The following AFF1 variants were observed in gnomAD, a reference collection of about 807,000 sequenced individuals.
The protein encoded by AFF1 is ALF transcription elongation factor 1, also known as AF4/FMR2 family member 1.
Under a neutral mutation model 121.7 loss-of-function variants are expected in AFF1, and 48 were observed. That is an observed-to-expected ratio of 0.39 (90% CI 0.31 to 0.50). AFF1 has a LOEUF of 0.50. AFF1 is among the 20% of genes least tolerant of loss of function. AFF1 has a pLI of 0.76. For missense variants in AFF1, 1,523 were observed against 1,511.7 expected (o/e 1.01, Z -0.12); for synonymous variants, 613 against 563.0 (o/e 1.09, Z -1.26).
intron 2 of AFF1, among the ~76,000 whole-genome samples, chr4:87,010,048 C>A (rs746502894): frequency 6.6e-5 from 10 of 152,180 alleles, no homozygotes; most frequent in Non-Finnish European, 1.3e-4. Flanking sequence ...ATTCCCATCC[C>A]TGTAGTTCAC....
intron 2 of AFF1, among the ~76,000 whole-genome samples, chr4:86,973,210 T>C (rs947809091): frequency 6.6e-6 from 1 of 152,130 alleles, no homozygotes. Context: ...GGCTGTGCTG[T>C]AGGGAGGTTC....
At chr4:87,076,323 TTA>T (rs1446292131) in intron 4 of AFF1, among the ~76,000 whole-genome samples, 6 of 152,176 alleles carry the variant, frequency 3.9e-5, no homozygotes, top group African/African-American at 1.4e-4. Context: ...GATTCTGCAG[TTA>T]GGGAGATTCT....
chr4:86,994,529 A>G (rs1724967790), intron 2 of AFF1, among the ~76,000 whole-genome samples: 1 of 152,242 alleles, frequency 6.6e-6, no homozygotes, highest in African/African-American at 2.4e-5. Context: ...CTGCAACTGT[A>G]GCAGAGTTCT....
At chr4:87,016,703 T>A in intron 2 of AFF1, among the ~76,000 whole-genome samples, 1 of 152,210 alleles carries the variant, frequency 6.6e-6, no homozygotes, top group East Asian at 1.9e-4. Context: ...AGATCCCTCC[T>A]GCCCATTTAC....
At chr4:87,044,750 A>G (rs1317629390) in intron 2 of AFF1, among the ~76,000 whole-genome samples, 1 of 152,214 alleles carries the variant, frequency 6.6e-6, no homozygotes. Context: ...TTCAGTAAAG[A>G]GAGCCTGGTG....
intron 4 of AFF1, among the ~76,000 whole-genome samples, chr4:87,056,789 G>A (rs535531656): frequency 2.6e-4 from 39 of 152,258 alleles, no homozygotes; most frequent in Admixed American, 2.2e-3. Flanking sequence ...AAGGTAATAC[G>A]GAACTCTTCA....
chr4:87,002,916 C>A (rs564405533), intron 2 of AFF1, among the ~76,000 whole-genome samples: 2 of 152,266 alleles, frequency 1.3e-5, no homozygotes, highest in East Asian at 1.9e-4. Context: ...CCAAAGAATT[C>A]TTTGCCCCTC....
intron 2 of AFF1, among the ~76,000 whole-genome samples, chr4:87,041,387 G>T (rs1012009053): frequency 6.6e-6 from 1 of 152,128 alleles, no homozygotes; most frequent in Non-Finnish European, 1.5e-5. Context: ...AAAAGGATGT[G>T]CTGTCTTTTA....
At chr4:87,007,144 C>T in intron 2 of AFF1, 2 of 1,284,262 alleles carry the variant, frequency 1.6e-6, no homozygotes, top group Non-Finnish European at 9.8e-7. Context: ...CGCGGCGCTC[C>T]CCGGGCTCGT....
intron 15 of AFF1, among the ~76,000 whole-genome samples, 162 bp downstream of exon 15, chr4:87,127,279 G>A (rs905143592): frequency 1.3e-5 from 2 of 151,050 alleles, no homozygotes; most frequent in Non-Finnish European, 2.9e-5. Context: ...TCCTGCCTCA[G>A]CCTCCCAAGT....
At chr4:87,043,273 A>G (rs534679787) in intron 2 of AFF1, among the ~76,000 whole-genome samples, 67 of 152,290 alleles carry the variant, frequency 4.4e-4, no homozygotes, top group Middle Eastern at 3.4e-3. Context: ...GCAGACAAGC[A>G]CATGCCCATG....
chr4:87,049,707 A>T (rs757183025), intron 4 of AFF1: 2 of 456,052 alleles, frequency 4.4e-6, no homozygotes, highest in South Asian at 1.5e-5. Flanking sequence ...CCGAGTTCTC[A>T]TGCCAGGCAG....
chr4:87,068,289 T>C (rs1295832633), intron 4 of AFF1, among the ~76,000 whole-genome samples: 1 of 139,158 alleles, frequency 7.2e-6, no homozygotes, highest in Non-Finnish European at 1.6e-5. Flanking sequence ...AAATTGCCTT[T>C]ATATCTTATC....
chr4:87,036,816 T>C, intron 2 of AFF1: 1 of 513,992 alleles, frequency 1.9e-6, no homozygotes. Context: ...TCTGCTTTTT[T>C]TCTCTCTCTC....
chr4:87,074,830 C>T (rs973085009), intron 4 of AFF1, among the ~76,000 whole-genome samples: 4 of 152,214 alleles, frequency 2.6e-5, no homozygotes, highest in African/African-American at 9.6e-5. Flanking sequence ...TACTGCTTCT[C>T]TCATTATTTG....
chr4:86,965,069 C>T (rs1466396120), intron 2 of AFF1, among the ~76,000 whole-genome samples: 2 of 152,160 alleles, frequency 1.3e-5, no homozygotes, highest in African/African-American at 4.8e-5. Flanking sequence ...TTTATTTGAC[C>T]TTTCTTAGAA....
At position 87,125,556 on chromosome 4, in the gene AFF1, C is replaced by CT. The variant is rs1259087324; in HGVS notation, c.2573+417dup. Among the ~76,000 whole-genome samples, 6 of 152,236 alleles carry CT rather than the reference C, an allele frequency of 3.9e-5. No homozygotes were observed. The East Asian group carries it at 1.2e-3, about 29-fold the overall frequency. On this transcript the variant is annotated intron_variant, in intron 13 of 20. Coordinates refer to ENST00000395146, the MANE Select transcript of AFF1 (RefSeq NM_001166693.3). ...CGGGAGCCTGTGTTCAGTGCTCCTT[C>CT]TTTTAGAGATGACTGAGAATCTGTC... is the stretch of plus-strand genomic sequence containing the variant.
chr4:86,980,551 G>C (rs1316375389), intron 2 of AFF1, among the ~76,000 whole-genome samples: 1 of 152,100 alleles, frequency 6.6e-6, no homozygotes, highest in African/African-American at 2.4e-5. Flanking sequence ...TAATATACCT[G>C]TAAAAGGAAA....
At chr4:86,947,210 CAT>C (rs561287114) in intron 1 of AFF1, among the ~76,000 whole-genome samples, 14 of 152,278 alleles carry the variant, frequency 9.2e-5, no homozygotes, top group African/African-American at 3.1e-4. Flanking sequence ...AAGAGTGACA[CAT>C]GTTTGACCCT....
Sources: allele counts gnomAD v4.1 joint callset (sites outside exome capture counted in the v4.1 genomes callset), GRCh38; gene constraint gnomAD v4.1.1; transcripts MANE v1.5; gene names NCBI Gene and HGNC (gene_info 2026-07-23, HGNC 2026-07-21).